The following IFRD1 variants were observed in gnomAD, a reference collection of about 807,000 sequenced individuals.
IFRD1 encodes the protein interferon-related developmental regulator 1.
In IFRD1, 35 loss-of-function variants were observed where a neutral mutation model predicts 52.9. That is an observed-to-expected ratio of 0.66 (90% CI 0.51 to 0.88). The LOEUF is 0.88. Ranked by LOEUF, IFRD1 falls within the 40% of genes least tolerant of loss-of-function variation. The pLI, the probability that IFRD1 is intolerant of heterozygous loss-of-function variation, is 0.00. For synonymous variants in IFRD1, 184 were observed against 188.4 expected (o/e 0.98, Z 0.19); for missense variants, 517 against 550.8 (o/e 0.94, Z 0.61).
chr7:112,446,402 T>A (rs1279392161), upstream of IFRD1: 2 of 156,566 alleles, frequency 1.3e-5, no homozygotes, highest in Admixed American at 6.5e-5. Flanking sequence ...TAATTGAATA[T>A]CTAAGTGCCA....
At chr7:112,452,516 T>C in intron 1 of IFRD1, 1 of 890,480 alleles carries the variant, frequency 1.1e-6, no homozygotes, top group Non-Finnish European at 1.3e-6. Context: ...TAGAAGGTAT[T>C]TATTTTATTC....
At chr7:112,470,594 A>G (rs747582117) in intron 9 of IFRD1, among the ~76,000 whole-genome samples, 1 of 152,214 alleles carries the variant, frequency 6.6e-6, no homozygotes, top group Non-Finnish European at 1.5e-5. Flanking sequence ...TTTATGGAGA[A>G]GGAACCTGTG....
chr7:112,429,468 G>A (rs1251546399), intron 1 of IFRD1, among the ~76,000 whole-genome samples: 1 of 152,196 alleles, frequency 6.6e-6, no homozygotes, highest in Non-Finnish European at 1.5e-5. Context: ...GCTGTCATCT[G>A]CAGTCACAGA....
intron 1 of IFRD1, chr7:112,452,265 C>A: frequency 6.1e-6 from 2 of 326,618 alleles, no homozygotes; most frequent in Non-Finnish European, 8.8e-6. Context: ...TGGGCTCAAG[C>A]AGCTCTCCCT....
chr7:112,467,188 A>G (rs375733908), intron 8 of IFRD1, among the ~76,000 whole-genome samples: 5 of 152,356 alleles, frequency 3.3e-5, no homozygotes, highest in African/African-American at 1.2e-4. Flanking sequence ...TTAACCTCTA[A>G]TGCAATAAAT....
At chr7:112,425,172 T>TGCCA (rs1794401705) in intron 1 of IFRD1, among the ~76,000 whole-genome samples, 1 of 152,174 alleles carries the variant, frequency 6.6e-6, no homozygotes, top group African/African-American at 2.4e-5. Context: ...CCTAGCCAAA[T>TGCCA]GTCAGTTTTT....
chr7:112,463,661 T>G (rs977825241), intron 8 of IFRD1, among the ~76,000 whole-genome samples: 1 of 152,150 alleles, frequency 6.6e-6, no homozygotes, highest in African/African-American at 2.4e-5. Context: ...GATGTCCCAA[T>G]TTTTAATCTT....
intron 1 of IFRD1, among the ~76,000 whole-genome samples, chr7:112,455,233 C>T (rs1795260402): frequency 6.6e-6 from 1 of 151,968 alleles, no homozygotes; most frequent in South Asian, 2.1e-4. Flanking sequence ...CCTGTAATCT[C>T]AGCACTTTGG....
chr7:112,450,026 G>GA (rs771057748), upstream of IFRD1: 6 of 153,254 alleles, frequency 3.9e-5, no homozygotes, highest in Non-Finnish European at 7.3e-5. Context: ...AGCCTCCGGA[G>GA]AAAGAGAAGC....
At chr7:112,448,126 T>A (rs1249989008), upstream of IFRD1, among the ~76,000 whole-genome samples, 346 of 132,952 alleles carry the variant, frequency 2.6e-3, 2 homozygotes, top group African/African-American at 8.6e-3. Context: ...CCTGTAGATT[T>A]AAAAAAAAAA....
At chr7:112,457,139 C>T (rs1554507180) in intron 4 of IFRD1, 101 bp downstream of exon 4, 3 of 1,252,300 alleles carry the variant, frequency 2.4e-6, no homozygotes, top group South Asian at 2.4e-5. Context: ...CTGGCCCACT[C>T]TTAAAATTTT....
chr7:112,431,397 A>C (rs866342150), intron 1 of IFRD1, among the ~76,000 whole-genome samples: 13 of 152,266 alleles, frequency 8.5e-5, no homozygotes, highest in African/African-American at 3.1e-4. Context: ...GCTACTACCT[A>C]TGGAGTCTAC....
intron 1 of IFRD1, among the ~76,000 whole-genome samples, chr7:112,454,969 C>T (rs1037704377): frequency 2.1e-5 from 3 of 146,230 alleles, no homozygotes; most frequent in Admixed American, 7.1e-5. Flanking sequence ...GAGGCTCAAG[C>T]GATTCTTCTG....
At chr7:112,452,273 C>A in intron 1 of IFRD1, 1 of 298,654 alleles carries the variant, frequency 3.3e-6, no homozygotes, top group Non-Finnish European at 4.9e-6. Context: ...AGCAGCTCTC[C>A]CTCCTCAGCC....
chr7:112,459,673 G>T (rs1426442647), intron 5 of IFRD1, among the ~76,000 whole-genome samples: 1 of 152,104 alleles, frequency 6.6e-6, no homozygotes, highest in Non-Finnish European at 1.5e-5. Context: ...AAGTAGCTTG[G>T]TAAAAATTTA....
intron 11 of IFRD1, 122 bp from the exon 12 acceptor site, chr7:112,475,308 C>A: frequency 1.5e-6 from 1 of 671,544 alleles, no homozygotes; most frequent in Non-Finnish European, 2.6e-6. Flanking sequence ...GTTTTATAAA[C>A]ATTTAAATGT....
intron 1 of IFRD1, among the ~76,000 whole-genome samples, chr7:112,433,862 C>T (rs1794603234): frequency 6.6e-6 from 1 of 152,190 alleles, no homozygotes; most frequent in African/African-American, 2.4e-5. Flanking sequence ...GCTAGGCCGC[C>T]CAGGCTGGAG....
At chr7:112,450,050 T>C (rs1795111989), upstream of IFRD1, 1 of 153,258 alleles carries the variant, frequency 6.5e-6, no homozygotes, top group African/African-American at 2.4e-5. Context: ...GGTGATTGCA[T>C]AGCTGCCAGC....
At chr7:112,424,155 T>C (rs997831518) in intron 1 of IFRD1, among the ~76,000 whole-genome samples, 12 of 152,100 alleles carry the variant, frequency 7.9e-5, no homozygotes, top group Admixed American at 2.6e-4. Context: ...GGGGTTTACT[T>C]GACTCACTTA....
Sources: allele counts gnomAD v4.1 joint callset (sites outside exome capture counted in the v4.1 genomes callset), GRCh38; gene constraint gnomAD v4.1.1; transcripts MANE v1.5; gene names NCBI Gene and HGNC (gene_info 2026-07-23, HGNC 2026-07-21).